Variants in TJP3 observed in about 807,000 individuals in gnomAD.
TJP3 encodes the protein tight junction protein 3, also known as tight junction protein ZO-3.
Under a neutral mutation model 104.2 loss-of-function variants are expected in TJP3, and 85 were observed. That is an observed-to-expected ratio of 0.82 (90% CI 0.68 to 0.98). TJP3 has a LOEUF of 0.98. Ranked by LOEUF, TJP3 falls within the 50% of genes least tolerant of loss-of-function variation. The probability of loss-of-function intolerance (pLI) is 0.00; values close to 1 mark genes in which losing one functional copy is unlikely to be tolerated. For missense variants in TJP3, 1,367 were observed against 1,322.8 expected, an observed-to-expected ratio of 1.03 and a Z score of -0.52; for synonymous variants, 550 against 550.6, an observed-to-expected ratio of 1.00 and a Z score of 0.02.
chr19:3,711,753 G>T (rs1229588590), intron 1 of TJP3, among the ~76,000 whole-genome samples: 1 of 79,132 alleles, frequency 1.3e-5, no homozygotes, highest in Non-Finnish European at 2.6e-5. Flanking sequence ...AAAAAAAAAG[G>T]TGCTTTATGT....
At chr19:3,720,964 G>C (rs2036536734) in intron 1 of TJP3, among the ~76,000 whole-genome samples, 1 of 139,022 alleles carries the variant, frequency 7.2e-6, no homozygotes, top group African/African-American at 2.7e-5. Context: ...CTGGAGTGCA[G>C]TGGCGTGATA....
rs1381968506 is a variant in TJP3 at position 3,739,141 on chromosome 19, A to G, written c.1631+7A>G. 8 of 1,526,426 alleles carry G rather than the reference A, an allele frequency of 5.2e-6. No individual in the cohort carries two copies. Among genetic ancestry groups the G allele is most frequent in the Non-Finnish European group, 7.0e-6 (8 of 1,136,252 alleles). 94.6% of individuals were successfully genotyped at this position (1,526,426 alleles called of 1,614,324 possible). On this transcript the variant is annotated splice_region_variant and intron_variant, in intron 13 of 20. Coordinates refer to ENST00000541714, the MANE Select transcript of TJP3 (RefSeq NM_001267560.2). Reference sequence around the variant, plus strand: ...TCATTCCCAACCAGAGCAGGTGGGGACTGTGTGCTCCTGCAGTGGGGCACT... The same window carrying G: ...TCATTCCCAACCAGAGCAGGTGGGGGCTGTGTGCTCCTGCAGTGGGGCACT...
At chr19:3,732,124 C>T in intron 6 of TJP3, 86 bp downstream of exon 6, 1 of 1,079,540 alleles carries the variant, frequency 9.3e-7, no homozygotes, top group Non-Finnish European at 1.3e-6. Flanking sequence ...GCAAGGACAG[C>T]AGAACTGGGC....
In TJP3 at chr19:3,750,156, C is replaced by T. The variant is rs2145711460; in HGVS notation, c.2629C>T (p.Gln877Ter). ...CTCCAAGGTGGACAGCCGCCACCCC[C>T]AGGGACAGTGGCGACAGGACAGCAT... ...QGAQVDSRHP[Q>*]GQWRQDSMRT... is the part of the protein sequence containing the mutation. The change falls in exon 20 of 21, where the codon CAG becomes TAG. Residue 877 changes from glutamine to a stop codon, truncating the protein, a stop_gained. Coordinates refer to ENST00000541714, the MANE Select transcript of TJP3 (RefSeq NM_001267560.2). LOFTEE classifies it high-confidence loss of function. 3.1e-6 allele frequency: 5 copies of T among 1,614,132 alleles called. No homozygotes were observed. The highest frequency in any genetic ancestry group is 4.2e-6 in the Non-Finnish European group (5 of 1,180,018).
chr19:3,736,905 A>C (rs1415370173), intron 11 of TJP3, among the ~76,000 whole-genome samples: 1 of 115,884 alleles, frequency 8.6e-6, no homozygotes, highest in East Asian at 2.5e-4. Context: ...TTTGAGATAG[A>C]GTCTTGCTCT....
rs549831017 is a variant in TJP3 at position 3,745,133 on chromosome 19, C to CTTTTTTTTTT, written c.1940-857_1940-848dup. On this transcript the variant is annotated intron_variant, in intron 15 of 20. Coordinates refer to ENST00000541714, the MANE Select transcript of TJP3 (RefSeq NM_001267560.2). ...TTAAAAAAAGATGCAAATTTTATGT[C>CTTTTTTTTTT]TTTTTTTTTTTTTTTTTTTTTTTTT... Among the ~76,000 whole-genome samples, 13 of 70,028 alleles carry CTTTTTTTTTT rather than the reference C, an allele frequency of 1.9e-4. 2 individuals carry two copies. Among genetic ancestry groups the CTTTTTTTTTT allele is most frequent in the South Asian group, 6.2e-4 (1 of 1,608 alleles). 45.9% of individuals were successfully genotyped at this position (70,028 alleles called of 152,430 possible).
intron 19 of TJP3, among the ~76,000 whole-genome samples, chr19:3,748,789 A>T (rs1330885202): frequency 7.2e-6 from 1 of 139,334 alleles, no homozygotes; most frequent in African/African-American, 2.7e-5. Flanking sequence ...GCTGGTCTGG[A>T]ACTCCAGCCT....
intron 1 of TJP3, among the ~76,000 whole-genome samples, chr19:3,711,866 A>T (rs2036437571): frequency 6.6e-6 from 1 of 152,064 alleles, no homozygotes; most frequent in East Asian, 1.9e-4. Flanking sequence ...AAAAATTGAA[A>T]ATAGAAATGG....
At chr19:3,720,945 T>C (rs1235220990) in intron 1 of TJP3, among the ~76,000 whole-genome samples, 1 of 146,606 alleles carries the variant, frequency 6.8e-6, no homozygotes, top group South Asian at 2.2e-4. Flanking sequence ...CTCTACTCTG[T>C]CGCCCAGACT....
intron 13 of TJP3, 95 bp downstream of exon 13, chr19:3,739,229 G>A (rs1052742042): frequency 1.7e-6 from 2 of 1,207,984 alleles, no homozygotes; most frequent in Non-Finnish European, 2.3e-6. Flanking sequence ...CGGTGGCTCA[G>A]GCCTGTAATC....
intron 20 of TJP3, 147 bp from the exon 21 acceptor site, chr19:3,750,435 G>A (rs1346904815): frequency 1.3e-6 from 1 of 795,648 alleles, no homozygotes; most frequent in East Asian, 2.7e-5. Context: ...ATGCATAGGA[G>A]TTTGTTAACA....
Position 3,740,724 on chromosome 19 carries a change from G to C in TJP3, c.1804G>C (p.Gly602Arg), listed in dbSNP as rs1395633086. Residue 602 changes from glycine (G) to arginine (R), a missense_variant, in exon 14 of 21, where the codon GGC becomes CGC. Coordinates refer to ENST00000541714, the MANE Select transcript of TJP3 (RefSeq NM_001267560.2). Reference protein sequence around the residue: ...REDLSALTRQGRYPPYERVVL... With the variant: ...REDLSALTRQRRYPPYERVVL... ...GGACCTCTCAGCTCTGACCCGACAG[G>C]GCCGCTACCCGCCCTACGAACGAGT... 6.3e-7 allele frequency: 1 copy of C among 1,599,442 alleles called. No homozygotes were observed. The highest frequency in any genetic ancestry group is 1.3e-5 in the African/African-American group (1 of 74,192).
At chr19:3,738,442 C>G in intron 11 of TJP3, 113 bp from the exon 12 acceptor site, 1 of 891,712 alleles carries the variant, frequency 1.1e-6, no homozygotes, top group South Asian at 1.5e-5. Context: ...GGTCCCTTGG[C>G]AGCAGCTCTG....
At position 3,729,096 on chromosome 19, in the gene TJP3, G is replaced by C. The variant is rs887808591; in HGVS notation, c.158+383G>C. 3.9e-5 allele frequency among the ~76,000 whole-genome samples: 6 copies of C among 152,142 alleles called. No homozygotes were observed. In the South Asian group the frequency reaches 8.3e-4, roughly 21 times the overall value. On this transcript the variant is annotated intron_variant, in intron 3 of 20. Coordinates refer to ENST00000541714, the MANE Select transcript of TJP3 (RefSeq NM_001267560.2). ...GTGAGGAGAAACCTTTGTGAGCCTGGCACTTTCCAGCTCTGTCAACACAGG... is the reference window on the plus strand; with the variant it reads ...GTGAGGAGAAACCTTTGTGAGCCTGCCACTTTCCAGCTCTGTCAACACAGG...
intron 1 of TJP3, among the ~76,000 whole-genome samples, chr19:3,720,998 C>A (rs2036537090): frequency 6.6e-6 from 1 of 151,234 alleles, no homozygotes; most frequent in Non-Finnish European, 1.5e-5. Context: ...ACCTCCGCCT[C>A]CCGGGTTCAA....
In TJP3 at chr19:3,738,564, G is replaced by A. The variant is rs538012849; in HGVS notation, c.1294G>A (p.Val432Met). ...ACTTGCTTTCTGGCAGGTGAATGAC[G>A]TGCCATTCCAGAACCTGACACGGGA... Reference protein sequence around the residue: ...EGDQILQVNDVPFQNLTREEA... With the variant: ...EGDQILQVNDMPFQNLTREEA... The change falls in exon 12 of 21, where the codon GTG becomes ATG. Residue 432 changes from valine (V) to methionine (M), a missense_variant. Val to Met is a conservative substitution (Grantham distance 21). Transcript: ENST00000541714. 26 of 1,613,170 alleles carry A rather than the reference G, an allele frequency of 1.6e-5. No homozygotes were observed. In the African/African-American group the frequency reaches 2.0e-4, roughly 12 times the overall value.
At chr19:3,717,404 C>T (rs1232854919) in intron 1 of TJP3, among the ~76,000 whole-genome samples, 8 of 86,452 alleles carry the variant, frequency 9.3e-5, no homozygotes, top group Admixed American at 8.6e-4. Flanking sequence ...CCAGCCATAG[C>T]TTATATATAT....
At chr19:3,741,228 C>T (rs898721205) in intron 14 of TJP3, among the ~76,000 whole-genome samples, 3 of 151,942 alleles carry the variant, frequency 2.0e-5, no homozygotes, top group African/African-American at 7.2e-5. Flanking sequence ...GTCTTGAACT[C>T]GTGACCTCAC....
In TJP3 at chr19:3,736,934, C is replaced by T. The variant is rs371840967; in HGVS notation, c.1284+613C>T. Among the ~76,000 whole-genome samples the T allele has an allele frequency of 1.3e-3, 193 of 144,832 alleles. 6 individuals are homozygous for T. The South Asian group carries it at 0.042, about 31-fold the overall frequency. ...TTGCTCTGTCACCCAGGCTGGAGTG[C>T]GGGGGTGTGATCTTGGCTCACTGCA... is the stretch of plus-strand genomic sequence containing the variant. On this transcript the variant is annotated intron_variant, in intron 11 of 20. Transcript: ENST00000541714.
Sources: gnomAD v4.1 joint callset for allele counts (sites outside exome capture counted in the v4.1 genomes callset) on GRCh38, gnomAD v4.1.1 for gene constraint, MANE v1.5 for transcripts, NCBI Gene and HGNC (gene_info 2026-07-23, HGNC 2026-07-21) for gene names.